The following INSR variants were observed in gnomAD, a reference collection of about 807,000 sequenced individuals.
The protein encoded by INSR is insulin receptor, also known as IR.
In INSR, 67 loss-of-function variants were observed where a neutral mutation model predicts 142.6. The observed-to-expected ratio is 0.47, with a 90% CI of 0.39 to 0.58. The LOEUF is 0.58. Ranked by LOEUF, INSR falls within the 20% of genes least tolerant of loss-of-function variation. The pLI is 0.00. For synonymous variants in INSR, 756 were observed against 743.1 expected (o/e 1.02, Z -0.28); for missense variants, 1,248 against 1,833.2 (o/e 0.68, Z 5.83).
chr19:7,151,644 G>A (rs1973364063), intron 10 of INSR, among the ~76,000 whole-genome samples: 1 of 148,884 alleles, frequency 6.7e-6, no homozygotes, highest in Non-Finnish European at 1.5e-5. Flanking sequence ...CTGTCCCCCT[G>A]AACATTCTTT....
intron 2 of INSR, among the ~76,000 whole-genome samples, chr19:7,266,766 A>T (rs1359188471): frequency 5.9e-5 from 9 of 152,192 alleles, no homozygotes; most frequent in African/African-American, 1.9e-4. Flanking sequence ...GATCACTAGA[A>T]GGAACAACCC....
At chr19:7,140,816 T>C (rs1230773185) in intron 13 of INSR, among the ~76,000 whole-genome samples, 1 of 148,898 alleles carries the variant, frequency 6.7e-6, no homozygotes, top group Non-Finnish European at 1.5e-5. Flanking sequence ...TAATGGGGCC[T>C]CTCAAAATTT....
intron 14 of INSR, among the ~76,000 whole-genome samples, 176 bp from the exon 15 acceptor site, chr19:7,129,130 C>T (rs550444933): frequency 5.7e-4 from 87 of 152,180 alleles, no homozygotes; most frequent in African/African-American, 1.9e-3. Flanking sequence ...GAAACAGTCC[C>T]GTAGGTGCAG....
chr19:7,152,344 G>A (rs183438265), intron 10 of INSR: 152 of 310,522 alleles, frequency 4.9e-4, no homozygotes, highest in African/African-American at 3.3e-3. Flanking sequence ...TCGCACCACC[G>A]CACTCCAGCC....
At chr19:7,243,346 A>T (rs1976428684) in intron 2 of INSR, among the ~76,000 whole-genome samples, 1 of 141,698 alleles carries the variant, frequency 7.1e-6, no homozygotes. Context: ...CCTGGGTTCA[A>T]GTGATTCTCC....
intron 9 of INSR, among the ~76,000 whole-genome samples, chr19:7,153,348 AG>A (rs1973482627): frequency 3.6e-3 from 21 of 5,826 alleles, no homozygotes; most frequent in East Asian, 0.01. Context: ...CACACACCAC[AG>A]ACCACACACC....
chr19:7,272,080 G>A (rs972134424), intron 1 of INSR, among the ~76,000 whole-genome samples: 6 of 152,136 alleles, frequency 3.9e-5, no homozygotes, highest in Admixed American at 1.3e-4. Flanking sequence ...CGAGGTGGGC[G>A]GATCACGAGG....
At chr19:7,154,254 A>T (rs1167287275) in intron 9 of INSR, among the ~76,000 whole-genome samples, 1 of 150,764 alleles carries the variant, frequency 6.6e-6, no homozygotes, top group East Asian at 1.9e-4. Flanking sequence ...GTGCATAAGT[A>T]ATTGCAGCTT....
At chr19:7,224,167 C>A (rs1435883774) in intron 2 of INSR, among the ~76,000 whole-genome samples, 3 of 151,552 alleles carry the variant, frequency 2.0e-5, no homozygotes, top group Non-Finnish European at 4.4e-5. Flanking sequence ...TGGTCTCGAT[C>A]TCTTGACCTC....
intron 2 of INSR, among the ~76,000 whole-genome samples, chr19:7,251,381 C>A (rs767056867): frequency 1.3e-5 from 2 of 151,964 alleles, no homozygotes; most frequent in African/African-American, 2.4e-5. Flanking sequence ...CTCAGCCTCC[C>A]GAGTAGCTGG....
chr19:7,125,133 T>G lies in INSR; in HGVS notation c.3258+150A>C, dbSNP rs1972614312. ...TGGGATTTGAGAAGGGAATGATCCCTCCTCACACCTCTAGGATGGGAAGCT... is the reference window on the plus strand; with the variant it reads ...TGGGATTTGAGAAGGGAATGATCCCGCCTCACACCTCTAGGATGGGAAGCT... On this transcript the variant is annotated intron_variant, in intron 17 of 21. Coordinates refer to ENST00000302850, the MANE Select transcript of INSR (RefSeq NM_000208.4). This position sits in a 1 kb window ranked among gnomAD's most constrained non-coding sequence, Gnocchi z 4.9. 1 of 910,226 alleles carries G rather than the reference T, an allele frequency of 1.1e-6. No individual in the cohort carries two copies. Among genetic ancestry groups the G allele is most frequent in the Non-Finnish European group, 1.7e-6 (1 of 574,962 alleles). The allele number at this position is 910,226 out of a possible 1,614,324, so 56.4% of individuals were successfully genotyped here.
Position 7,194,107 on chromosome 19 carries a change from T to C in INSR, c.653-9470A>G, listed in dbSNP as rs535362084. ...AATGACAGGCATCGGTGAGAGCTTT[T>C]ACAAAGGTTCTCTTAAAATCATCTT... On this transcript the variant is annotated intron_variant, in intron 2 of 21. Coordinates refer to ENST00000302850, the MANE Select transcript of INSR (RefSeq NM_000208.4). 3.9e-5 allele frequency among the ~76,000 whole-genome samples: 6 copies of C among 152,330 alleles called. 1 individual carries two copies. The highest frequency in any genetic ancestry group is 1.4e-4 in the African/African-American group (6 of 41,576).
rs138289202 is a variant in INSR at position 7,197,719 on chromosome 19, A to AGT, written c.653-13084_653-13083dup. Among the ~76,000 whole-genome samples the AGT allele has an allele frequency of 1.5e-3, 80 of 55,002 alleles. 4 individuals carry two copies. Among genetic ancestry groups the AGT allele is most frequent in the East Asian group, 0.01 (20 of 1,940 alleles). 36.1% of individuals were successfully genotyped at this position (55,002 alleles called of 152,430 possible). ...TGTGTTTGGCAGGTTCCAGAGTGGG[A>AGT]GTGTGTGTGTGTGTGTGATTGGCAG... On this transcript the variant is annotated intron_variant, in intron 2 of 21. Transcript: ENST00000302850.
At chr19:7,235,490 G>C (rs1237849242) in intron 2 of INSR, among the ~76,000 whole-genome samples, 2 of 152,188 alleles carry the variant, frequency 1.3e-5, no homozygotes, top group African/African-American at 4.8e-5. Context: ...AAGCCACAGT[G>C]TGGAGCTAAT....
intron 2 of INSR, among the ~76,000 whole-genome samples, chr19:7,265,185 T>G (rs993444245): frequency 6.6e-6 from 1 of 152,174 alleles, no homozygotes; most frequent in African/African-American, 2.4e-5. Flanking sequence ...AATTGCCTCC[T>G]TGAGCATGAA....
intron 2 of INSR, among the ~76,000 whole-genome samples, chr19:7,197,516 G>GGGTGTGTGTGT (rs1974790392): frequency 1.4e-5 from 1 of 70,856 alleles, no homozygotes; most frequent in African/African-American, 6.1e-5. Flanking sequence ...TGGGAGTGGG[G>GGGTGTGTGTGT]GTGTGTGTGT....
chr19:7,186,919 G>T (rs575584959), intron 2 of INSR, among the ~76,000 whole-genome samples: 2 of 151,590 alleles, frequency 1.3e-5, no homozygotes, highest in African/African-American at 2.4e-5. Context: ...TGGCCGGGCT[G>T]GTCTTGAACT....
chr19:7,161,339 A>G (rs908993672), intron 9 of INSR, among the ~76,000 whole-genome samples: 8 of 151,904 alleles, frequency 5.3e-5, no homozygotes, highest in Admixed American at 5.3e-4. Context: ...AGCTCACTGC[A>G]GACTTGAACT....
intron 2 of INSR, among the ~76,000 whole-genome samples, chr19:7,246,034 C>T (rs1976528485): frequency 6.6e-6 from 1 of 152,100 alleles, no homozygotes; most frequent in South Asian, 2.1e-4. Context: ...CATACACAGT[C>T]CTGATGTCCA....
Sources: allele counts gnomAD v4.1 joint callset (sites outside exome capture counted in the v4.1 genomes callset), GRCh38; gene constraint gnomAD v4.1.1; non-coding constraint Gnocchi (gnomAD v3.1); transcripts MANE v1.5; gene names NCBI Gene and HGNC (gene_info 2026-07-23, HGNC 2026-07-21).